The following TBC1D5 variants were observed in gnomAD, a reference collection of about 807,000 sequenced individuals.
The protein encoded by TBC1D5 is TBC1 domain family, member 5.
Under a neutral mutation model 100.3 loss-of-function variants are expected in TBC1D5, and 75 were observed. The ratio of observed to expected loss-of-function variants is 0.75; its 90% CI spans 0.62 to 0.91. TBC1D5 has a LOEUF of 0.91. Among genes scored for constraint, TBC1D5 ranks in the 40% least tolerant of loss-of-function variants. TBC1D5 has a pLI of 0.00. For missense variants in TBC1D5, 910 were observed against 942.4 expected, an observed-to-expected ratio of 0.97 and a Z score of 0.45; for synonymous variants, 323 against 325.6, an observed-to-expected ratio of 0.99 and a Z score of 0.09.
chr3:17,683,762 C>A lies in TBC1D5; in HGVS notation c.-101+55581G>T, dbSNP rs191737616. On this transcript the variant is annotated intron_variant, in intron 1 of 21. Transcript: ENST00000253692. ...TCTCTAAGTCTCTATTTCTTCAACT[C>A]GAAAATGAACAGTAGTTATATCACT... Among the ~76,000 whole-genome samples the A allele has an allele frequency of 3.3e-5, 5 of 152,064 alleles. No individual in the cohort carries two copies. The East Asian group carries it at 5.8e-4, about 18-fold the overall frequency.
chr3:17,197,433 G>A (rs1345960007), intron 18 of TBC1D5, among the ~76,000 whole-genome samples: 1 of 152,080 alleles, frequency 6.6e-6, no homozygotes. Flanking sequence ...CTGGAGTACA[G>A]TGGTGTGATC....
chr3:17,591,220 A>G, intron 2 of TBC1D5, among the ~76,000 whole-genome samples: 1 of 137,416 alleles, frequency 7.3e-6, no homozygotes, highest in Admixed American at 7.5e-5. Context: ...TGGGCTACAA[A>G]GAAAGGATCT....
chr3:17,455,849 A>G (rs1182585898), intron 3 of TBC1D5, among the ~76,000 whole-genome samples: 1 of 152,148 alleles, frequency 6.6e-6, no homozygotes, highest in Non-Finnish European at 1.5e-5. Context: ...AAAACAAAAT[A>G]AAACAAAAAA....
chr3:17,392,038 C>T (rs1476977929), intron 8 of TBC1D5, among the ~76,000 whole-genome samples: 1 of 151,886 alleles, frequency 6.6e-6, no homozygotes, highest in East Asian at 1.9e-4. Flanking sequence ...GCAAATGATA[C>T]CAACATTAAC....
chr3:17,614,141 G>T (rs1003175086), intron 2 of TBC1D5, among the ~76,000 whole-genome samples: 1 of 152,158 alleles, frequency 6.6e-6, no homozygotes, highest in Admixed American at 6.5e-5. Context: ...ATTAAATAAA[G>T]AATCCTATCC....
chr3:17,363,783 T>C (rs1219460983), intron 13 of TBC1D5, among the ~76,000 whole-genome samples: 6 of 152,014 alleles, frequency 3.9e-5, no homozygotes, highest in Non-Finnish European at 8.8e-5. Flanking sequence ...TCCTTATGAT[T>C]TGTTGTTTCA....
At chr3:17,309,917 T>C (rs1344639678) in intron 13 of TBC1D5, among the ~76,000 whole-genome samples, 1 of 152,158 alleles carries the variant, frequency 6.6e-6, no homozygotes, top group Non-Finnish European at 1.5e-5. Context: ...GTTACAGTTA[T>C]TCGGCTGACA....
At chr3:17,230,931 A>G (rs1447199404) in intron 17 of TBC1D5, among the ~76,000 whole-genome samples, 1 of 152,166 alleles carries the variant, frequency 6.6e-6, no homozygotes, top group Non-Finnish European at 1.5e-5. Flanking sequence ...TGAATTATTT[A>G]TAATACCTAA....
At chr3:17,392,879 C>G (rs2093394749) in intron 8 of TBC1D5, among the ~76,000 whole-genome samples, 1 of 152,090 alleles carries the variant, frequency 6.6e-6, no homozygotes. Context: ...GGTATGTACC[C>G]AGTAATGGGA....
At chr3:17,288,734 T>C (rs1178793832) in intron 15 of TBC1D5, among the ~76,000 whole-genome samples, 1 of 152,162 alleles carries the variant, frequency 6.6e-6, no homozygotes, top group East Asian at 1.9e-4. Flanking sequence ...CTCAATAAGA[T>C]ATTTCTCCAC....
chr3:17,670,583 G>C (rs2067828536), intron 1 of TBC1D5, among the ~76,000 whole-genome samples: 1 of 152,202 alleles, frequency 6.6e-6, no homozygotes, highest in Admixed American at 6.5e-5. Context: ...TGGTCAAGCA[G>C]CAACAGTGGT....
chr3:17,504,971 G>A (rs1461808002), intron 3 of TBC1D5, among the ~76,000 whole-genome samples: 1 of 152,098 alleles, frequency 6.6e-6, no homozygotes, highest in Non-Finnish European at 1.5e-5. Flanking sequence ...ACATGTCATT[G>A]TAATGGAAAG....
At chr3:17,553,406 A>G (rs1001480335) in intron 2 of TBC1D5, among the ~76,000 whole-genome samples, 1 of 152,214 alleles carries the variant, frequency 6.6e-6, no homozygotes, top group African/African-American at 2.4e-5. Flanking sequence ...TGCTGAAAAA[A>G]GTAGGAAATG....
At chr3:17,324,911 T>G (rs1254878261) in intron 13 of TBC1D5, among the ~76,000 whole-genome samples, 1 of 152,158 alleles carries the variant, frequency 6.6e-6, no homozygotes, top group East Asian at 1.9e-4. Flanking sequence ...GCAGATCCAT[T>G]AGAATGGCTT....
chr3:17,528,765 C>T (rs1052408621), intron 2 of TBC1D5, among the ~76,000 whole-genome samples: 2 of 152,058 alleles, frequency 1.3e-5, no homozygotes, highest in African/African-American at 4.8e-5. Context: ...TGTGGAAAAG[C>T]CAGGTAGTTA....
intron 3 of TBC1D5, among the ~76,000 whole-genome samples, chr3:17,445,088 A>C (rs912762410): frequency 6.6e-6 from 1 of 152,142 alleles, no homozygotes; most frequent in South Asian, 2.1e-4. Flanking sequence ...TCCCCTTATC[A>C]GTGGACATAT....
At chr3:17,234,387 G>A (rs554168253) in intron 17 of TBC1D5, among the ~76,000 whole-genome samples, 44 of 149,896 alleles carry the variant, frequency 2.9e-4, no homozygotes, top group African/African-American at 1.0e-3. Context: ...ATAATGACAT[G>A]TTCAAATTAA....
At chr3:17,224,930 G>A (rs575659439) in intron 17 of TBC1D5, among the ~76,000 whole-genome samples, 1 of 152,130 alleles carries the variant, frequency 6.6e-6, no homozygotes, top group African/African-American at 2.4e-5. Context: ...AAGGAACCTG[G>A]CCCACATCTC....
intron 3 of TBC1D5, among the ~76,000 whole-genome samples, chr3:17,454,608 C>T (rs1335976698): frequency 5.3e-5 from 8 of 151,964 alleles, no homozygotes; most frequent in Non-Finnish European, 7.4e-5. Context: ...TACAGGTGCC[C>T]GCCACCATGC....
Sources: allele counts gnomAD v4.1 joint callset (sites outside exome capture counted in the v4.1 genomes callset), GRCh38; gene constraint gnomAD v4.1.1; transcripts MANE v1.5; gene names NCBI Gene and HGNC (gene_info 2026-07-23, HGNC 2026-07-21).